The following ALPK2 variants were observed in gnomAD, a reference collection of about 807,000 sequenced individuals.
ALPK2 encodes the protein alpha kinase 2, also known as alpha-protein kinase 2.
ALPK2 carries 127 observed loss-of-function variants against 163.1 expected under a neutral mutation model. The ratio of observed to expected loss-of-function variants is 0.78; its 90% confidence interval spans 0.67 to 0.90. ALPK2 has a LOEUF of 0.90. Among genes scored for constraint, ALPK2 ranks in the 40% least tolerant of loss-of-function variants. The pLI is 0.00. For synonymous variants in ALPK2, 953 were observed against 959.1 expected, an observed-to-expected ratio of 0.99 and a Z score of 0.12; for missense variants, 2,360 against 2,589.6, an observed-to-expected ratio of 0.91 and a Z score of 1.92.
rs13016 is a variant in ALPK2, at chr18:58,481,549, G to C, written c.*274C>G. 0.27 allele frequency: 121,159 copies of C among 453,516 alleles called. 17,318 individuals are homozygous for C. The highest frequency in any genetic ancestry group is 0.37 in the African/African-American group (18,852 of 50,838). 28.1% of individuals were successfully genotyped at this position (453,516 alleles called of 1,614,324 possible). On this transcript the variant is annotated 3_prime_UTR_variant, in exon 13 of 13. Coordinates refer to ENST00000361673, the MANE Select transcript of ALPK2 (RefSeq NM_052947.4). ...CAAATATACACATGATGTGAGGTTG[G>C]TAAAAATGCTAAACATGTATATAAA...
intron 4 of ALPK2, among the ~76,000 whole-genome samples, chr18:58,557,809 A>G (rs1362700281): frequency 2.0e-5 from 3 of 152,084 alleles, no homozygotes; most frequent in African/African-American, 7.2e-5. Flanking sequence ...AAAAATTACA[A>G]TAGAGCTGAG....
intron 3 of ALPK2, among the ~76,000 whole-genome samples, chr18:58,604,490 G>C (rs1251717210): frequency 6.6e-6 from 1 of 152,146 alleles, no homozygotes; most frequent in South Asian, 2.1e-4. Context: ...GGTCAAGCGC[G>C]AAGCCCAAGC....
rs756820505 is a variant in ALPK2, at chr18:58,536,738, G to T, written c.3449C>A (p.Ala1150Glu). 6 of 1,614,212 alleles carry T rather than the reference G, an allele frequency of 3.7e-6. No individual in the cohort carries two copies. In the Admixed American group the frequency reaches 1.0e-4, roughly 27 times the overall value. Residue 1150 changes from alanine to glutamate, a missense_variant, in exon 5 of 13, where the codon GCA (alanine) becomes GAA (glutamate). Ala to Glu is a moderately radical substitution (Grantham distance 107). Coordinates refer to ENST00000361673, the MANE Select transcript of ALPK2 (RefSeq NM_052947.4). The part of the protein sequence containing the change: ...QSLSQQGSLS[A>E]PDFQQSLPTT... ...AGGCAAACTTTGTTGGAAATCAGGT[G>T]CAGAAAGAGAACCCTGCTGGGACAG... is the stretch of plus-strand genomic sequence containing the variant.
rs546323829 is a variant in ALPK2, at chr18:58,481,722, C to G, written c.*101G>C. The G allele has an allele frequency of 1.1e-6, 1 of 936,338 alleles. No homozygotes were observed. Among genetic ancestry groups the G allele is most frequent in the African/African-American group, 1.6e-5 (1 of 60,678 alleles). 58.0% of individuals were successfully genotyped at this position (936,338 alleles called of 1,614,324 possible). On this transcript the variant is annotated 3_prime_UTR_variant, in exon 13 of 13. Coordinates refer to ENST00000361673, the MANE Select transcript of ALPK2 (RefSeq NM_052947.4). ...AGTCGGCTGGGAGTAAGGATTGCCA[C>G]GCACTCTCTGCAGGCTGTATATTCT...
chr18:58,567,454 C>T (rs749150978), intron 4 of ALPK2, among the ~76,000 whole-genome samples: 6 of 152,056 alleles, frequency 3.9e-5, no homozygotes, highest in East Asian at 3.9e-4. Context: ...TTTTTAAACA[C>T]GCACCTCATC....
At position 58,536,238 on chromosome 18, in the gene ALPK2, CG is replaced by C. The variant is rs1220362993; in HGVS notation, c.3948del (p.Glu1317LysfsTer30). ...ALADSRESHK[G>X]EEPTISVHWR... ...CAATGTACACTGATGGTGGGCTCTT[CG>C]CCTTTATGGCTTTCTCTGCTATCAG... On this transcript the variant is annotated frameshift_variant, in exon 5 of 13. Transcript: ENST00000361673. The C allele has an allele frequency of 3.1e-6, 5 of 1,614,084 alleles. No homozygotes were observed. Among genetic ancestry groups the C allele is most frequent in the Non-Finnish European group, 4.2e-6 (5 of 1,180,036 alleles).
At chr18:58,544,110 T>C (rs1416507867) in intron 4 of ALPK2, 1 of 152,108 alleles carries the variant, frequency 6.6e-6, no homozygotes, top group Admixed American at 6.5e-5. Flanking sequence ...ACTCAAATAA[T>C]TTTGCTGAAT....
chr18:58,593,164 TTG>T (rs950000337), intron 3 of ALPK2, among the ~76,000 whole-genome samples: 6 of 152,160 alleles, frequency 3.9e-5, no homozygotes, highest in Non-Finnish European at 8.8e-5. Context: ...GATTCATGGA[TTG>T]TAACAAATGT....
intron 10 of ALPK2, among the ~76,000 whole-genome samples, chr18:58,507,216 G>A (rs1371490474): frequency 6.6e-6 from 1 of 152,112 alleles, no homozygotes; most frequent in Admixed American, 6.5e-5. Context: ...TCAGAAGATC[G>A]ACTTCTGGGA....
chr18:58,481,561 A>T lies in ALPK2; in HGVS notation c.*262T>A. 3 of 487,328 alleles carry T rather than the reference A, an allele frequency of 6.2e-6. No homozygotes were observed. The South Asian group carries it at 7.2e-5, about 12-fold the overall frequency. 30.2% of individuals were successfully genotyped at this position (487,328 alleles called of 1,614,324 possible). A position where few individuals can be genotyped will look rare whatever the true frequency, so the allele number is the denominator to read the frequency against. ...TGATGTGAGGTTGGTAAAAATGCTAAACATGTATATAAAGAATGGACTGTC... is the reference window on the plus strand; with the variant it reads ...TGATGTGAGGTTGGTAAAAATGCTATACATGTATATAAAGAATGGACTGTC... On this transcript the variant is annotated 3_prime_UTR_variant, in exon 13 of 13. Coordinates refer to ENST00000361673, the MANE Select transcript of ALPK2 (RefSeq NM_052947.4).
chr18:58,537,758 C>T lies in ALPK2; in HGVS notation c.2429G>A (p.Gly810Asp). Residue 810 changes from glycine (G) to aspartate (D), a missense_variant, in exon 5 of 13, where the codon GGT becomes GAT. Physicochemically the swap from Gly to Asp is moderately conservative, Grantham distance 94 (BLOSUM62 -1). Transcript: ENST00000361673. Reference protein sequence around the residue: ...AVCAMECFEAGDQGTCFDTID... With the variant: ...AVCAMECFEADDQGTCFDTID... Reference sequence around the variant, plus strand: ...GGTATCAAAACACGTTCCTTGGTCACCAGCCTCAAAACACTCCATTGCACA... The same window carrying T: ...GGTATCAAAACACGTTCCTTGGTCATCAGCCTCAAAACACTCCATTGCACA... 6.2e-7 allele frequency: 1 copy of T among 1,614,136 alleles called. No homozygotes were observed. The highest frequency in any genetic ancestry group is 8.5e-7 in the Non-Finnish European group (1 of 1,179,978).
intron 1 of ALPK2, among the ~76,000 whole-genome samples, chr18:58,621,094 A>T (rs552479953): frequency 6.6e-6 from 1 of 151,604 alleles, no homozygotes; most frequent in East Asian, 2.0e-4. Flanking sequence ...TTGAAGCTGC[A>T]GTGAGCCGTG....
intron 1 of ALPK2, among the ~76,000 whole-genome samples, chr18:58,612,382 G>C (rs72958641): frequency 2.6e-5 from 4 of 152,324 alleles, no homozygotes; most frequent in African/African-American, 4.8e-5. Context: ...TTGAAATTAG[G>C]ATATGACTGC....
intron 2 of ALPK2, among the ~76,000 whole-genome samples, chr18:58,610,051 T>C (rs2052119789): frequency 6.6e-6 from 1 of 151,974 alleles, no homozygotes; most frequent in African/African-American, 2.4e-5. Flanking sequence ...CTCTCCTCTC[T>C]GGACTTAGAA....
Position 58,509,272 on chromosome 18 carries a change from CCA to C in ALPK2, c.6030-5126_6030-5125del, listed in dbSNP as rs1335087291. On this transcript the variant is annotated intron_variant, in intron 10 of 12. Transcript: ENST00000361673. ...TATATATGTGCCACATTTTCTTAAT[CCA>C]GTCTATCATCGTTGGACATTTGGGT... Among the ~76,000 whole-genome samples the C allele has an allele frequency of 2.6e-5, 4 of 152,082 alleles. No homozygotes were observed. In the East Asian group the frequency reaches 7.7e-4, roughly 29 times the overall value.
At position 58,531,988 on chromosome 18, in the gene ALPK2, C is replaced by T. The variant is rs868596529; in HGVS notation, c.5354-2750G>A. ...AATAGGCTGTTGTCAAGGGCTGGCC[C>T]TCTGAATGCTGCCATTCCAAAAGGT... On this transcript the variant is annotated intron_variant, in intron 5 of 12. Transcript: ENST00000361673. Among the ~76,000 whole-genome samples the T allele has an allele frequency of 3.1e-4, 46 of 149,338 alleles. No individual in the cohort carries two copies. In the Middle Eastern group the frequency reaches 0.01, roughly 34 times the overall value.
intron 2 of ALPK2, among the ~76,000 whole-genome samples, chr18:58,611,291 AAAG>A (rs58214051): frequency 0.64 from 90,500 of 141,834 alleles, 28,611 homozygotes; most frequent in East Asian, 0.87. Flanking sequence ...AAAAAAAAAA[AAAG>A]TCAATTAAAG....
chr18:58,576,598 A>C (rs1172005645), intron 4 of ALPK2, among the ~76,000 whole-genome samples: 1 of 152,224 alleles, frequency 6.6e-6, no homozygotes. Flanking sequence ...CTTCTGTGTC[A>C]TATCTGTGAT....
intron 3 of ALPK2, among the ~76,000 whole-genome samples, chr18:58,589,860 C>T (rs1202543111): frequency 1.3e-5 from 2 of 152,180 alleles, no homozygotes; most frequent in African/African-American, 4.8e-5. Context: ...AACTGCAACT[C>T]GACCAGGTGC....
Sources: gnomAD v4.1 joint callset for allele counts (sites outside exome capture counted in the v4.1 genomes callset) on GRCh38, gnomAD v4.1.1 for gene constraint, MANE v1.5 for transcripts, NCBI Gene and HGNC (gene_info 2026-07-23, HGNC 2026-07-21) for gene names.